CDHR3: variants seen among roughly 807,000 people sequenced by gnomAD.
CDHR3 encodes cadherin related family member 3, also known as cadherin-related family member 3.
A neutral mutation model predicts 86.6 loss-of-function variants in CDHR3; 79 were observed. The observed-to-expected ratio is 0.91, with a 90% CI of 0.76 to 1.10. The LOEUF (loss-of-function observed/expected upper bound fraction) is 1.10. Ranked by LOEUF, CDHR3 falls within the 50% of genes least tolerant of loss-of-function variation. CDHR3 has a pLI of 0.00. For synonymous variants in CDHR3, 421 were observed against 402.4 expected, an observed-to-expected ratio of 1.05 and a Z score of -0.55; for missense variants, 1,081 against 1,077.6, an observed-to-expected ratio of 1.00 and a Z score of -0.04.
intron 2 of CDHR3, among the ~76,000 whole-genome samples, chr7:105,980,622 A>T (rs201384848): frequency 0.053 from 1,432 of 26,886 alleles, 40 homozygotes; most frequent in African/African-American, 0.11. Flanking sequence ...TTTTTTTTTT[A>T]ATTTTTTTTT....
chr7:106,032,570 G>A lies in CDHR3; in HGVS notation c.2531G>A (p.Ser844Asn). The change falls in exon 19 of 19, where the codon AGT becomes AAT. Residue 844 changes from serine (S) to asparagine (N), a missense_variant. Physicochemically the swap from Ser to Asn is conservative, Grantham distance 46. Coordinates refer to ENST00000317716, the MANE Select transcript of CDHR3 (RefSeq NM_152750.5). Reference protein sequence around the residue: ...RSANWEEDELSGKAWAEDAGL... With the variant: ...RSANWEEDELNGKAWAEDAGL... ...GCCAACTGGGAAGAAGATGAGCTGAGTGGCAAAGCGTGGGCTGAGGATGCT... is the reference window on the plus strand; with the variant it reads ...GCCAACTGGGAAGAAGATGAGCTGAATGGCAAAGCGTGGGCTGAGGATGCT... 1.2e-6 allele frequency: 2 copies of A among 1,614,062 alleles called. No homozygotes were observed. Among genetic ancestry groups the A allele is most frequent in the Non-Finnish European group, 1.7e-6 (2 of 1,179,910 alleles).
intron 6 of CDHR3, 37 bp downstream of exon 6, chr7:105,996,391 G>C: frequency 7.8e-7 from 1 of 1,277,206 alleles, no homozygotes; most frequent in Non-Finnish European, 1.1e-6. Context: ...CTGGGCCGCA[G>C]GTGCGTCCTT....
intron 17 of CDHR3, among the ~76,000 whole-genome samples, chr7:106,029,620 G>C (rs1374449719): frequency 6.6e-6 from 1 of 151,568 alleles, no homozygotes; most frequent in Non-Finnish European, 1.5e-5. Flanking sequence ...TGAAGTGAAG[G>C]AACTTGAAGG....
intron 1 of CDHR3, among the ~76,000 whole-genome samples, chr7:105,966,017 C>T (rs960009606): frequency 6.6e-6 from 1 of 152,100 alleles, no homozygotes; most frequent in African/African-American, 2.4e-5. Context: ...GATGAGTTTC[C>T]CTTTGTGAAG....
intron 17 of CDHR3, among the ~76,000 whole-genome samples, chr7:106,028,918 T>TTCTTTCTTTCTTTCTTTC (rs1837811075): frequency 1.9e-4 from 11 of 58,526 alleles, no homozygotes; most frequent in Non-Finnish European, 3.4e-4. Context: ...GATTTAAATT[T>TTCTTTCTTTCTTTCTTTC]TCTTTCTTTC....
chr7:105,993,847 C>T (rs532972333), intron 4 of CDHR3, among the ~76,000 whole-genome samples: 3 of 152,262 alleles, frequency 2.0e-5, no homozygotes, highest in African/African-American at 7.2e-5. Flanking sequence ...ATGGGCTCAC[C>T]CTCAGCGGGC....
chr7:105,987,083 C>T (rs1830631498), intron 4 of CDHR3, among the ~76,000 whole-genome samples: 1 of 152,126 alleles, frequency 6.6e-6, no homozygotes, highest in South Asian at 2.1e-4. Context: ...ATTATGCAGA[C>T]AGAATAAGGT....
At position 105,981,020 on chromosome 7, in the gene CDHR3, T is replaced by C. The variant is rs762905242; in HGVS notation, c.302T>C (p.Phe101Ser). 5 of 1,611,692 alleles carry C rather than the reference T, an allele frequency of 3.1e-6. No homozygotes were observed. The highest frequency in any genetic ancestry group is 3.4e-6 in the Non-Finnish European group (4 of 1,178,842). The change falls in exon 3 of 19, where the codon TTT becomes TCT. Residue 101 changes from phenylalanine to serine, a missense_variant. By Grantham distance (155) the Phe-to-Ser change is radical (BLOSUM62 -2). Transcript: ENST00000317716. ...GATTTTGAAACAGGACCAAACATAT[T>C]TGATTTGCAGATTTATGTGAAGGAT... Reference protein sequence around the residue: ...QLDFETGPNIFDLQIYVKDEV... With the variant: ...QLDFETGPNISDLQIYVKDEV...
intron 6 of CDHR3, among the ~76,000 whole-genome samples, chr7:105,999,298 A>C (rs2115776142): frequency 6.6e-6 from 1 of 152,360 alleles, no homozygotes; most frequent in Admixed American, 6.5e-5. Flanking sequence ...AGGTTAGCCA[A>C]GGAGAGAATA....
chr7:106,024,318 G>C lies in CDHR3; in HGVS notation c.2077-63G>C, dbSNP rs895590188. On this transcript the variant is annotated intron_variant, in intron 14 of 18. Transcript: ENST00000317716. Reference sequence around the variant, plus strand: ...AGTGGAATAAACACTCAACACGAGAGAGTGCTGAATGTCAAAATCACTACC... The same window carrying C: ...AGTGGAATAAACACTCAACACGAGACAGTGCTGAATGTCAAAATCACTACC... 9.3e-6 allele frequency: 13 copies of C among 1,398,822 alleles called. No homozygotes were observed. In the African/African-American group the frequency reaches 1.7e-4, roughly 18 times the overall value. The allele number at this position is 1,398,822 out of a possible 1,614,324, so 86.7% of individuals were successfully genotyped here.
At chr7:106,001,940 A>G (rs1025443185) in intron 7 of CDHR3, among the ~76,000 whole-genome samples, 10 of 152,206 alleles carry the variant, frequency 6.6e-5, no homozygotes, top group Non-Finnish European at 1.5e-4. Context: ...ATTTTTCCTG[A>G]ATATTTTAAA....
At position 106,022,395 on chromosome 7, in the gene CDHR3, C is replaced by T. The variant is rs764604185; in HGVS notation, c.2023C>T (p.Leu675=). ...TCTTGTTGAGACAGGAACAGTGACA[C>T]TGAGTATTAAAGTCATTCCCCACCC... ...EALVETGTVT[L]SIKVIPHPTT... Residue 675 remains leucine, a synonymous_variant, in exon 14 of 19, where the codon CTG becomes TTG. Coordinates refer to ENST00000317716, the MANE Select transcript of CDHR3 (RefSeq NM_152750.5). 6.2e-6 allele frequency: 10 copies of T among 1,613,892 alleles called. No individual in the cohort carries two copies. The highest frequency in any genetic ancestry group is 1.3e-5 in the African/African-American group (1 of 74,912).
chr7:105,987,437 G>A (rs1056799152), intron 4 of CDHR3, among the ~76,000 whole-genome samples: 1 of 152,216 alleles, frequency 6.6e-6, no homozygotes, highest in African/African-American at 2.4e-5. Flanking sequence ...GGTAATAACA[G>A]TTTAGGACAT....
At position 105,999,133 on chromosome 7, in the gene CDHR3, T is replaced by C. The variant is rs571855187; in HGVS notation, c.714-2329T>C. On this transcript the variant is annotated intron_variant, in intron 6 of 18. Transcript: ENST00000317716. ...TGGGAATACAAGTGGTAGCAGAGCT[T>C]TACTGTGTCAGGGTAGCTGCATGGC... 8.5e-3 allele frequency among the ~76,000 whole-genome samples: 1,296 copies of C among 152,348 alleles called. 11 individuals carry two copies. The highest frequency in any genetic ancestry group is 0.012 in the Non-Finnish European group (845 of 68,032).
chr7:106,026,779 A>G, intron 16 of CDHR3, 84 bp downstream of exon 16: 1 of 1,395,204 alleles, frequency 7.2e-7, no homozygotes, highest in Non-Finnish European at 1.0e-6. Context: ...TCGGCAAAGA[A>G]TCAGGCCGCG....
chr7:105,967,481 G>A (rs1827158731), intron 1 of CDHR3, among the ~76,000 whole-genome samples: 1 of 152,214 alleles, frequency 6.6e-6, no homozygotes, highest in Non-Finnish European at 1.5e-5. Context: ...GTAATGGGAT[G>A]GCTGGGTCCA....
intron 4 of CDHR3, among the ~76,000 whole-genome samples, chr7:105,990,234 C>G (rs1290385289): frequency 6.6e-6 from 1 of 152,164 alleles, no homozygotes; most frequent in Non-Finnish European, 1.5e-5. Context: ...TTAATAATAG[C>G]ATTTTGCATT....
chr7:106,030,718 T>C lies in CDHR3; in HGVS notation c.2305-74T>C, dbSNP rs1223342258. On this transcript the variant is annotated intron_variant, in intron 17 of 18. Coordinates refer to ENST00000317716, the MANE Select transcript of CDHR3 (RefSeq NM_152750.5). The surrounding 1 kb of genome is among the most constrained non-coding windows in gnomAD (Gnocchi z 4.8). ...AAGGCTTTGGTTAAGGAACTTGGGT[T>C]GTGAGGATGTGTAGCTTTGCCTGGG... 25 of 1,423,930 alleles carry C rather than the reference T, an allele frequency of 1.8e-5. No individual in the cohort carries two copies. The East Asian group carries it at 5.7e-4, about 33-fold the overall frequency. The allele number at this position is 1,423,930 out of a possible 1,614,324, so 88.2% of individuals were successfully genotyped here.
chr7:106,009,071 GACCAA>G (rs1213232140), intron 8 of CDHR3, among the ~76,000 whole-genome samples: 8 of 152,188 alleles, frequency 5.3e-5, no homozygotes, highest in Non-Finnish European at 8.8e-5. Flanking sequence ...GTCCAGGCAA[GACCAA>G]ACAGAGTCCT....
Sources: gnomAD v4.1 joint callset for allele counts (sites outside exome capture counted in the v4.1 genomes callset) on GRCh38, gnomAD v4.1.1 for gene constraint, Gnocchi (gnomAD v3.1) non-coding constraint, MANE v1.5 for transcripts, NCBI Gene and HGNC (gene_info 2026-07-23, HGNC 2026-07-21) for gene names.